SH2D5: variants seen among roughly 807,000 people sequenced by gnomAD.
The protein encoded by SH2D5 is SH2 domain-containing protein 5.
A neutral mutation model predicts 48.2 loss-of-function variants in SH2D5; 45 were observed. The observed-to-expected ratio is 0.93, with a 90% confidence interval of 0.73 to 1.20. SH2D5 has a LOEUF of 1.20. Among genes scored for constraint, SH2D5 ranks in the 50% most tolerant of loss-of-function variants. The pLI, the probability that SH2D5 is intolerant of heterozygous loss-of-function variation, is 0.00. For synonymous variants in SH2D5, 230 were observed against 249.8 expected (o/e 0.92, Z 0.75); for missense variants, 538 against 584.1 (o/e 0.92, Z 0.81).
chr1:20,723,854 A>G lies in SH2D5; in HGVS notation c.800-120T>C, dbSNP rs924125654. On this transcript the variant is annotated intron_variant, in intron 7 of 9. Coordinates refer to ENST00000444387, the MANE Select transcript of SH2D5 (RefSeq NM_001103161.2). ...AGCCTCTCTACCCTGCTCAGCAGAC[A>G]TATCTGCACACGGGCCTTCCGCCCG... is the stretch of plus-strand genomic sequence containing the variant. The G allele has an allele frequency of 1.0e-5, 10 of 988,284 alleles. No homozygotes were observed. In the Admixed American group the frequency reaches 1.8e-4, roughly 18 times the overall value. The allele number at this position is 988,284 out of a possible 1,614,324, so 61.2% of individuals were successfully genotyped here.
In SH2D5 at chr1:20,721,688, G is replaced by A. The variant is rs577675656; in HGVS notation, c.*104C>T. Reference sequence around the variant, plus strand: ...TGGAAGACTGCTCCAAGGGCAGGGTGACTGGATGGAACTGGCAACCAGAGG... The same window carrying A: ...TGGAAGACTGCTCCAAGGGCAGGGTAACTGGATGGAACTGGCAACCAGAGG... On this transcript the variant is annotated 3_prime_UTR_variant, in exon 10 of 10. Transcript: ENST00000444387. 18 of 1,105,108 alleles carry A rather than the reference G, an allele frequency of 1.6e-5. No individual in the cohort carries two copies. The South Asian group carries it at 2.8e-4, about 17-fold the overall frequency. 68.5% of individuals were successfully genotyped at this position (1,105,108 alleles called of 1,614,324 possible).
intron 4 of SH2D5, among the ~76,000 whole-genome samples, 158 bp downstream of exon 4, chr1:20,726,843 T>G (rs2054810368): frequency 6.6e-6 from 1 of 151,352 alleles, no homozygotes; most frequent in Non-Finnish European, 1.5e-5. Flanking sequence ...CTGGTGCAAA[T>G]CCAAAGGCCC....
chr1:20,724,332 GC>G (rs897668315), intron 6 of SH2D5, 63 bp downstream of exon 6: 8 of 1,600,904 alleles, frequency 5.0e-6, no homozygotes, highest in African/African-American at 1.3e-5. Flanking sequence ...GCCCTGACAT[GC>G]CCCCCAAACC....
rs61778527 is a variant in SH2D5, at chr1:20,728,019, C to T, written c.26G>A (p.Arg9His). The T allele has an allele frequency of 1.2e-5, 19 of 1,556,806 alleles. No individual in the cohort carries two copies. In the African/African-American group the frequency reaches 1.2e-4, roughly 10 times the overall value. The change falls in exon 2 of 10, where the codon CGC (arginine) becomes CAC (histidine). Residue 9 changes from arginine to histidine, a missense_variant. Coordinates refer to ENST00000444387, the MANE Select transcript of SH2D5 (RefSeq NM_001103161.2). The surrounding 1 kb of genome is among the most constrained non-coding windows in gnomAD (Gnocchi z 4.3). ...GGCCAGCCCGCAGTCAGAGGCCCTG[C>T]GGCCCCCAGCCCCCGCCTTCTGCAT... MQKAGAGG[R>H]RASDCGLAPH...
chr1:20,732,172 C>T lies in SH2D5; in HGVS notation c.-43+9G>A, dbSNP rs1477360242. 6.6e-6 allele frequency: 1 copy of T among 152,094 alleles called. No individual in the cohort carries two copies. Among genetic ancestry groups the T allele is most frequent in the African/African-American group, 2.4e-5 (1 of 41,442 alleles). The allele number at this position is 152,094 out of a possible 1,614,324, so 9.4% of individuals were successfully genotyped here. On this transcript the variant is annotated intron_variant, in intron 1 of 9. Transcript: ENST00000444387. This position sits in a 1 kb window ranked among gnomAD's most constrained non-coding sequence, Gnocchi z 5.1. ...GGATCACCTGGCGGCGGCGACCCGC[C>T]TCACTCACCAATCGGCGCCCGCGGA... is the stretch of plus-strand genomic sequence containing the variant.
At chr1:20,730,746 C>A (rs1443525988) in intron 1 of SH2D5, 1 of 152,452 alleles carries the variant, frequency 6.6e-6, no homozygotes, top group African/African-American at 2.4e-5. Context: ...TGGGGCAGAC[C>A]TGCTTTTCTG....
chr1:20,725,583 A>G (rs550770210), intron 5 of SH2D5, among the ~76,000 whole-genome samples: 1 of 152,300 alleles, frequency 6.6e-6, no homozygotes, highest in Non-Finnish European at 1.5e-5. Flanking sequence ...GTTCAGACAC[A>G]TGGGCTGAGC....
Position 20,721,828 on chromosome 1 carries a change from A to G in SH2D5, c.1236T>C (p.His412=), listed in dbSNP as rs780229160. The change falls in exon 10 of 10, where the codon CAT becomes CAC. Residue 412 remains histidine (H), a synonymous_variant. Coordinates refer to ENST00000444387, the MANE Select transcript of SH2D5 (RefSeq NM_001103161.2). ...RPPRTLRPLS[H]AKSEAELQGL... ...CCTGCAGCTCTGCCTCGGACTTGGC[A>G]TGGCTGAGGGGCCGGAGAGTCCGGG... is the stretch of plus-strand genomic sequence containing the variant. The G allele has an allele frequency of 1.9e-6, 3 of 1,606,294 alleles. No individual in the cohort carries two copies. Among genetic ancestry groups the G allele is most frequent in the African/African-American group, 1.3e-5 (1 of 74,824 alleles).
At chr1:20,724,677 T>G in intron 5 of SH2D5, 42 bp from the exon 6 acceptor site, 1 of 1,488,566 alleles carries the variant, frequency 6.7e-7, no homozygotes, top group Non-Finnish European at 8.9e-7. Flanking sequence ...GGAGGAGGTC[T>G]CCATCTCCCA....
rs2054682159 is a variant in SH2D5, at chr1:20,721,371, C to A, written c.*421G>T. On this transcript the variant is annotated 3_prime_UTR_variant, in exon 10 of 10. Transcript: ENST00000444387. ...TGCCCAGAGTAAAAGCTCACTCCTG[C>A]CTCCCCAAAACCCTCTTTCTGGAGA... The A allele has an allele frequency of 1.7e-5, 3 of 171,604 alleles. No homozygotes were observed. Among genetic ancestry groups the A allele is most frequent in the Non-Finnish European group, 3.7e-5 (3 of 81,524 alleles). The allele number at this position is 171,604 out of a possible 1,614,324, so 10.6% of individuals were successfully genotyped here. A position where few individuals can be genotyped will look rare whatever the true frequency, so the allele number is the denominator to read the frequency against.
At position 20,724,574 on chromosome 1, in the gene SH2D5, G is replaced by A; in HGVS notation, c.452C>T (p.Pro151Leu). 6.3e-7 allele frequency: 1 copy of A among 1,596,956 alleles called. No homozygotes were observed. Among genetic ancestry groups the A allele is most frequent in the Non-Finnish European group, 8.5e-7 (1 of 1,172,798 alleles). The change falls in exon 6 of 10, where the codon CCT becomes CTT. Residue 151 changes from proline to leucine, a missense_variant. Physicochemically the swap from Pro to Leu is moderately conservative, Grantham distance 98. Transcript: ENST00000444387. ...GGGCTCTGGCTGTGCCCGCTCCTCA[G>A]GGTGCTGCAAGAGGTAAGCCAGCTG... Reference protein sequence around the residue: ...SFQLAYLLQHPEERAQPEPCP... With the variant: ...SFQLAYLLQHLEERAQPEPCP...
rs2054921025 is a variant in SH2D5, at chr1:20,732,109, C to G, written c.-43+72G>C. The G allele has an allele frequency of 6.6e-6, 1 of 152,174 alleles. No individual in the cohort carries two copies. The highest frequency in any genetic ancestry group is 1.5e-5 in the Non-Finnish European group (1 of 67,916). 9.4% of individuals were successfully genotyped at this position (152,174 alleles called of 1,614,324 possible). Reference sequence around the variant, plus strand: ...GCTTCCCGCCGCCCCCGACCCCGGTCCCCGCGCCCCCACACGTGGCCGCGG... The same window carrying G: ...GCTTCCCGCCGCCCCCGACCCCGGTGCCCGCGCCCCCACACGTGGCCGCGG... On this transcript the variant is annotated intron_variant, in intron 1 of 9. Coordinates refer to ENST00000444387, the MANE Select transcript of SH2D5 (RefSeq NM_001103161.2). This position sits in a 1 kb window ranked among gnomAD's most constrained non-coding sequence, Gnocchi z 5.1.
intron 2 of SH2D5, 112 bp from the exon 3 acceptor site, chr1:20,727,715 G>T: frequency 9.3e-7 from 1 of 1,079,968 alleles, no homozygotes; most frequent in Non-Finnish European, 1.4e-6. Context: ...CGTGTCTGTG[G>T]ACAGACAGAG....
At chr1:20,722,235 C>T (rs2054701163) in intron 9 of SH2D5, among the ~76,000 whole-genome samples, 1 of 152,212 alleles carries the variant, frequency 6.6e-6, no homozygotes, top group African/African-American at 2.4e-5. Flanking sequence ...GCCACCCCCT[C>T]CCATCCCTAG....
rs970349030 is a variant in SH2D5 at position 20,722,990 on chromosome 1, C to T, written c.909-75G>A. 28 of 1,347,866 alleles carry T rather than the reference C, an allele frequency of 2.1e-5. No individual in the cohort carries two copies. The East Asian group carries it at 3.4e-4, about 16-fold the overall frequency. 83.5% of individuals were successfully genotyped at this position (1,347,866 alleles called of 1,614,324 possible). On this transcript the variant is annotated intron_variant, in intron 8 of 9. Transcript: ENST00000444387. Reference sequence around the variant, plus strand: ...ATGGTCATGAGGACCCCAGCAGCATCGAGGCAGCCTGCGGATTAAATGCCC... The same window carrying T: ...ATGGTCATGAGGACCCCAGCAGCATTGAGGCAGCCTGCGGATTAAATGCCC...
chr1:20,729,630 G>A lies in SH2D5; in HGVS notation c.-42-1544C>T, dbSNP rs911383632. On this transcript the variant is annotated intron_variant, in intron 1 of 9. Coordinates refer to ENST00000444387, the MANE Select transcript of SH2D5 (RefSeq NM_001103161.2). This position sits in a 1 kb window ranked among gnomAD's most constrained non-coding sequence, Gnocchi z 4.2. The stretch of plus-strand genomic sequence containing the variant: ...CCACACCGACAGGCGCCCACAGAGA[G>A]CAGGTATCCAACAGAGCCCTGGGCA... 6.6e-6 allele frequency among the ~76,000 whole-genome samples: 1 copy of A among 152,164 alleles called. No individual in the cohort carries two copies. Among genetic ancestry groups the A allele is most frequent in the Non-Finnish European group, 1.5e-5 (1 of 68,024 alleles).
chr1:20,731,976 C>T (rs1045548561), intron 1 of SH2D5, among the ~76,000 whole-genome samples: 3 of 151,942 alleles, frequency 2.0e-5, no homozygotes, highest in South Asian at 4.1e-4. Flanking sequence ...AGCCCCCCGC[C>T]CCTGCCCGGC....
At chr1:20,724,314 A>G (rs2054750844) in intron 6 of SH2D5, 63 bp from the exon 7 acceptor site, 1 of 1,602,156 alleles carries the variant, frequency 6.2e-7, no homozygotes, top group African/African-American at 1.3e-5. Context: ...AGGCCAAGTG[A>G]AGCCCCTGCC....
chr1:20,732,387 T>G lies in SH2D5; in HGVS notation c.-249A>C, dbSNP rs1011803214. ...CCTCCTCCTGGAGGGCCTCTGCCCC[T>G]CCCCTCTCTGGCTGGCTCCTCCGCG... On this transcript the variant is annotated 5_prime_UTR_variant, in exon 1 of 10. Coordinates refer to ENST00000444387, the MANE Select transcript of SH2D5 (RefSeq NM_001103161.2). The surrounding 1 kb of genome is among the most constrained non-coding windows in gnomAD (Gnocchi z 5.1). The G allele has an allele frequency of 1.3e-5, 2 of 152,100 alleles. No individual in the cohort carries two copies. The highest frequency in any genetic ancestry group is 4.8e-5 in the African/African-American group (2 of 41,364). 9.4% of individuals were successfully genotyped at this position (152,100 alleles called of 1,614,324 possible). A position where few individuals can be genotyped will look rare whatever the true frequency, so the allele number is the denominator to read the frequency against.
Sources: gnomAD v4.1 joint callset for allele counts (sites outside exome capture counted in the v4.1 genomes callset) on GRCh38, gnomAD v4.1.1 for gene constraint, Gnocchi (gnomAD v3.1) non-coding constraint, MANE v1.5 for transcripts, NCBI Gene and HGNC (gene_info 2026-07-23, HGNC 2026-07-21) for gene names.